Variants in EXOSC10 observed in about 807,000 individuals in gnomAD.
The protein encoded by EXOSC10 is exosome component 10, also known as exosome complex component 10.
In EXOSC10, 94 loss-of-function variants were observed where a neutral mutation model predicts 126.6. That is an observed-to-expected ratio of 0.74 (90% CI 0.63 to 0.88). EXOSC10 has a LOEUF of 0.88. EXOSC10 is among the 40% of genes least tolerant of loss of function. EXOSC10 has a pLI of 0.00. For missense variants in EXOSC10, 1,041 were observed against 1,100.5 expected (o/e 0.95, Z 0.77); for synonymous variants, 395 against 400.8 (o/e 0.99, Z 0.17).
Position 11,090,660 on chromosome 1 carries a change from T to G in EXOSC10, c.652A>C (p.Lys218Gln). ...AQKPLPQALS[K>Q]ERRERPQDRP... ...TCCTGTGGGCGTTCCCGCCTTTCCTTAGAGAGAGCTGGGGATCCCAGCAGT... is the reference window on the plus strand; with the variant it reads ...TCCTGTGGGCGTTCCCGCCTTTCCTGAGAGAGAGCTGGGGATCCCAGCAGT... The change falls in exon 6 of 25, where the codon AAG becomes CAG. Residue 218 changes from lysine to glutamine, a missense_variant. Physicochemically the swap from Lys to Gln is moderately conservative, Grantham distance 53. Around this residue, in one of 3 missense-constraint regions of EXOSC10, gnomAD observed 645 missense variants for 656.3 expected, o/e 0.98. Coordinates refer to ENST00000376936, the MANE Select transcript of EXOSC10 (RefSeq NM_001001998.3). 1 of 1,607,886 alleles carries G rather than the reference T, an allele frequency of 6.2e-7. No individual in the cohort carries two copies. Among genetic ancestry groups the G allele is most frequent in the Non-Finnish European group, 8.5e-7 (1 of 1,176,926 alleles).
chr1:11,092,604 G>A (rs1356002869), intron 3 of EXOSC10, among the ~76,000 whole-genome samples: 7 of 149,732 alleles, frequency 4.7e-5, no homozygotes, highest in African/African-American at 1.2e-4. Context: ...TGCAGTCTTC[G>A]CCTCCTGGGT....
In EXOSC10 at chr1:11,070,285, A is replaced by G. The variant is rs1027237432; in HGVS notation, c.2317-555T>C. Among the ~76,000 whole-genome samples, 297 of 147,318 alleles carry G rather than the reference A, an allele frequency of 2.0e-3. 2 individuals are homozygous for G. Among genetic ancestry groups the G allele is most frequent in the African/African-American group, 7.2e-3 (290 of 40,422 alleles). On this transcript the variant is annotated intron_variant, in intron 21 of 24. Transcript: ENST00000376936. ...GAAATTAAAAAAAAAAAAAAAAAAA[A>G]GGAAAGGCAGGGGGCAGGGGTTAAG... is the stretch of plus-strand genomic sequence containing the variant.
chr1:11,092,067 A>G (rs1371199249), intron 3 of EXOSC10, among the ~76,000 whole-genome samples: 3 of 152,242 alleles, frequency 2.0e-5, no homozygotes, highest in Non-Finnish European at 4.4e-5. Flanking sequence ...GAACAGATCA[A>G]TGTATGTATC....
At chr1:11,070,577 G>C (rs559923334) in intron 21 of EXOSC10, 86 of 207,246 alleles carry the variant, frequency 4.1e-4, no homozygotes, top group African/African-American at 1.8e-3. Context: ...TCATTCTCTA[G>C]AATGCAACAT....
intron 10 of EXOSC10, among the ~76,000 whole-genome samples, chr1:11,081,973 T>C (rs1640192554): frequency 6.6e-6 from 1 of 151,114 alleles, no homozygotes; most frequent in Non-Finnish European, 1.5e-5. Flanking sequence ...TCCTAGCTAC[T>C]CAGGAGGCTG....
intron 21 of EXOSC10, among the ~76,000 whole-genome samples, chr1:11,070,265 TAAA>T (rs35601923): frequency 2.0e-5 from 2 of 100,590 alleles, no homozygotes; most frequent in African/African-American, 8.7e-5. Flanking sequence ...AAAAGGAAAT[TAAA>T]AAAAAAAAAA....
At chr1:11,077,235 C>G in intron 16 of EXOSC10, 130 bp downstream of exon 16, 1 of 922,626 alleles carries the variant, frequency 1.1e-6, no homozygotes, top group Non-Finnish European at 1.7e-6. Context: ...AGGTGATCTA[C>G]CCGCCTCAGC....
intron 24 of EXOSC10, 22 bp downstream of exon 24, chr1:11,067,986 C>T (rs1438247172): frequency 1.2e-6 from 2 of 1,611,526 alleles, no homozygotes; most frequent in African/African-American, 2.7e-5. Flanking sequence ...CTCCCTGGGC[C>T]ACACCGCCGT....
At chr1:11,099,646 G>A in intron 1 of EXOSC10, 75 bp downstream of exon 1, 1 of 1,410,358 alleles carries the variant, frequency 7.1e-7, no homozygotes, top group Non-Finnish European at 9.4e-7. Flanking sequence ...GGCGGGCATT[G>A]GCTGCCCAGA....
At chr1:11,084,197 T>C (rs973471927) in intron 9 of EXOSC10, among the ~76,000 whole-genome samples, 21 of 152,308 alleles carry the variant, frequency 1.4e-4, no homozygotes, top group African/African-American at 2.4e-4. Flanking sequence ...CCTGAGGAAT[T>C]GCCACACTGA....
Position 11,069,631 on chromosome 1 carries a change from T to G in EXOSC10, c.2416A>C (p.Lys806Gln), listed in dbSNP as rs758478602. The change falls in exon 22 of 25, where the codon AAG becomes CAG. Residue 806 changes from lysine to glutamine, a missense_variant. Coordinates refer to ENST00000376936, the MANE Select transcript of EXOSC10 (RefSeq NM_001001998.3). ...KKRLKISKKP[K>Q]DPEPPEKEFT... ...TCTTTTTCTGGTGGCTCTGGGTCCT[T>G]TGGCTTCTTGGAAATTTTGAGTCGT... The G allele has an allele frequency of 6.2e-6, 10 of 1,614,110 alleles. No individual in the cohort carries two copies. The Admixed American group carries it at 1.0e-4, about 16-fold the overall frequency.
chr1:11,076,057 AGG>A (rs1447737451), intron 17 of EXOSC10, among the ~76,000 whole-genome samples: 4 of 151,350 alleles, frequency 2.6e-5, no homozygotes, highest in Non-Finnish European at 2.9e-5. Flanking sequence ...CCCAGCTACT[AGG>A]GAAGCTGAGG....
At chr1:11,072,798 AG>A (rs1196906040) in intron 19 of EXOSC10, 1 of 152,368 alleles carries the variant, frequency 6.6e-6, no homozygotes, top group Non-Finnish European at 1.5e-5. Flanking sequence ...TGCCACACAG[AG>A]GAAGCCAGTC....
chr1:11,082,608 C>T, intron 10 of EXOSC10, 80 bp downstream of exon 10: 1 of 1,578,390 alleles, frequency 6.3e-7, no homozygotes, highest in Non-Finnish European at 8.6e-7. Context: ...AGGGCTCAAA[C>T]CCAGGTCTCT....
At chr1:11,079,342 C>A (rs1359566320) in intron 14 of EXOSC10, among the ~76,000 whole-genome samples, 16 of 145,362 alleles carry the variant, frequency 1.1e-4, no homozygotes, top group Non-Finnish European at 2.4e-4. Flanking sequence ...AAACAAAAAA[C>A]AAACAAACAA....
At position 11,070,965 on chromosome 1, in the gene EXOSC10, C is replaced by T; in HGVS notation, c.2251G>A (p.Glu751Lys). The T allele has an allele frequency of 6.2e-7, 1 of 1,613,914 alleles. No homozygotes were observed. The highest frequency in any genetic ancestry group is 8.5e-7 in the Non-Finnish European group (1 of 1,179,924). The change falls in exon 21 of 25, where the codon GAA becomes AAA. Residue 751 changes from glutamate (E) to lysine (K), a missense_variant. By Grantham distance (56) the Glu-to-Lys change is moderately conservative. Transcript: ENST00000376936. ...KKAAEQTAAREQAKEACKAAA... is the reference protein window; with the variant it reads ...KKAAEQTAARKQAKEACKAAA... ...GCTTTGCACGCCTCCTTTGCCTGTT[C>T]CCGGGCAGCTGCAAGGGAGAGAACT...
Position 11,080,566 on chromosome 1 carries a change from ACACACACACACACACACACACACACACAC to A in EXOSC10, c.1587-46_1587-18del. 8.5e-7 allele frequency: 1 copy of A among 1,183,194 alleles called. No individual in the cohort carries two copies. The highest frequency in any genetic ancestry group is 1.1e-6 in the Non-Finnish European group (1 of 908,234). The allele number at this position is 1,183,194 out of a possible 1,614,324, so 73.3% of individuals were successfully genotyped here. A position where few individuals can be genotyped will look rare whatever the true frequency, so the allele number is the denominator to read the frequency against. ...AGTACATATCTGGAAAAAAAAAAAC[ACACACACACACACACACACACACACACAC>A]ACACACACACGGTGGGGACACATTA... On this transcript the variant is annotated intron_variant, in intron 12 of 24. Transcript: ENST00000376936.
At chr1:11,088,230 CTGAT>C (rs755485159) in intron 6 of EXOSC10, 32 bp from the exon 7 acceptor site, 1 of 1,504,844 alleles carries the variant, frequency 6.6e-7, no homozygotes, top group Admixed American at 1.9e-5. Flanking sequence ...AGAAATCATT[CTGAT>C]TAATTCCATG....
In EXOSC10 at chr1:11,080,799, C is replaced by T. The variant is rs772902107; in HGVS notation, c.1551G>A (p.Arg517=). ...CATCTTCCCTGCGAGCTGTTTTATC[C>T]CTCCAGGCAAACAGCAGCTGAAAGG... ...LTAFQLLFAW[R]DKTARREDES... The change falls in exon 12 of 25, where the codon AGG becomes AGA. Residue 517 remains arginine (R), a synonymous_variant. Coordinates refer to ENST00000376936, the MANE Select transcript of EXOSC10 (RefSeq NM_001001998.3). 1 of 1,614,120 alleles carries T rather than the reference C, an allele frequency of 6.2e-7. No homozygotes were observed. Among genetic ancestry groups the T allele is most frequent in the East Asian group, 2.2e-5 (1 of 44,888 alleles).
Sources: gnomAD v4.1 joint callset for allele counts (sites outside exome capture counted in the v4.1 genomes callset) on GRCh38, gnomAD v4.1.1 for gene constraint, gnomAD v4.1.1 regional missense constraint, MANE v1.5 for transcripts, NCBI Gene and HGNC (gene_info 2026-07-23, HGNC 2026-07-21) for gene names.